The following TCN1 variants were observed in gnomAD, a reference collection of about 807,000 sequenced individuals.
The protein encoded by TCN1 is transcobalamin 1.
TCN1 carries 47 observed loss-of-function variants against 46.3 expected under a neutral mutation model. That is an observed-to-expected ratio of 1.01 (90% CI 0.80 to 1.29). The LOEUF is 1.29. Among genes scored for constraint, TCN1 ranks in the 50% most tolerant of loss-of-function variants. The probability of loss-of-function intolerance (pLI) is 0.00; values close to 1 mark genes in which losing one functional copy is unlikely to be tolerated. For synonymous variants in TCN1, 183 were observed against 192.5 expected, an observed-to-expected ratio of 0.95 and a Z score of 0.41; for missense variants, 532 against 511.0, an observed-to-expected ratio of 1.04 and a Z score of -0.40.
chr11:59,864,116 C>A, intron 1 of TCN1, 30 bp from the exon 2 acceptor site: 8 of 1,609,088 alleles, frequency 5.0e-6, no homozygotes, highest in Non-Finnish European at 6.8e-6. Flanking sequence ...AAATAAGAAA[C>A]ACATACTCAG....
At chr11:59,853,461 T>A in intron 7 of TCN1, 140 bp from the exon 8 acceptor site, 1 of 814,604 alleles carries the variant, frequency 1.2e-6, no homozygotes, top group South Asian at 1.4e-5. Context: ...TATCCATAGA[T>A]ATTTTTATTT....
In TCN1 at chr11:59,854,818, C is replaced by T. The variant is rs748680318; in HGVS notation, c.955G>A (p.Ala319Thr). Residue 319 changes from alanine (A) to threonine (T), a missense_variant, in exon 7 of 9, where the codon GCT becomes ACT. Ala to Thr is a moderately conservative substitution (Grantham distance 58). Transcript: ENST00000257264. The stretch of plus-strand genomic sequence containing the variant: ...GGTGTCACAGTTATAGGCTCATCAG[C>T]GGAGATGTTGAAGTTACCTGGCAGA... ...VSASGNFNIS[A>T]DEPITVTPPD... 59 of 1,613,682 alleles carry T rather than the reference C, an allele frequency of 3.7e-5. No homozygotes were observed. Among genetic ancestry groups the T allele is most frequent in the South Asian group, 1.8e-4 (16 of 91,082 alleles).
chr11:59,853,372 C>T, intron 7 of TCN1, 51 bp from the exon 8 acceptor site: 12 of 1,497,656 alleles, frequency 8.0e-6, no homozygotes, highest in Non-Finnish European at 1.0e-5. Context: ...TCAAAGGAAA[C>T]CAACAATAGG....
In TCN1 at chr11:59,863,896, C is replaced by T. The variant is rs1853043939; in HGVS notation, c.259+11G>A. 1.9e-6 allele frequency: 3 copies of T among 1,613,506 alleles called. No individual in the cohort carries two copies. The highest frequency in any genetic ancestry group is 2.2e-5 in the South Asian group (2 of 91,068). ...TTTTTTCTAAATCTTCCAGAATATACAGCAACTTACATCTGCTTTTCACAT... is the reference window on the plus strand; with the variant it reads ...TTTTTTCTAAATCTTCCAGAATATATAGCAACTTACATCTGCTTTTCACAT... On this transcript the variant is annotated intron_variant, in intron 2 of 8. Coordinates refer to ENST00000257264, the MANE Select transcript of TCN1 (RefSeq NM_001062.4).
intron 3 of TCN1, 82 bp downstream of exon 3, chr11:59,862,500 A>G: frequency 6.6e-7 from 1 of 1,520,692 alleles, no homozygotes. Flanking sequence ...AGAAGGAAAG[A>G]GTGGAGGGAA....
intron 2 of TCN1, 74 bp from the exon 3 acceptor site, chr11:59,862,796 T>C: frequency 6.5e-7 from 1 of 1,539,442 alleles, no homozygotes. Context: ...TCCTTGAGAC[T>C]TATATTGCCT....
At position 59,854,760 on chromosome 11, in the gene TCN1, T is replaced by A; in HGVS notation, c.1013A>T (p.Tyr338Phe). 6.2e-7 allele frequency: 1 copy of A among 1,613,956 alleles called. No individual in the cohort carries two copies. The highest frequency in any genetic ancestry group is 8.5e-7 in the Non-Finnish European group (1 of 1,179,918). ...ATATGTTTCATTGATTCTCACAGAG[T>A]AATTGACGGAGATATATGATTGTGA... is the stretch of plus-strand genomic sequence containing the variant. ...PDSQSYISVN[Y>F]SVRINETYFT... Residue 338 changes from tyrosine to phenylalanine, a missense_variant, in exon 7 of 9, where the codon TAC (tyrosine) becomes TTC (phenylalanine). Coordinates refer to ENST00000257264, the MANE Select transcript of TCN1 (RefSeq NM_001062.4).
At chr11:59,857,025 T>C (rs1225606717) in intron 5 of TCN1, among the ~76,000 whole-genome samples, 1 of 152,128 alleles carries the variant, frequency 6.6e-6, no homozygotes, top group Non-Finnish European at 1.5e-5. Context: ...TGTTTTCATC[T>C]TTTCTTGGAG....
chr11:59,864,487 A>G (rs979241055), intron 1 of TCN1, among the ~76,000 whole-genome samples: 2 of 152,148 alleles, frequency 1.3e-5, no homozygotes, highest in African/African-American at 2.4e-5. Context: ...AGGACTTTCT[A>G]CTTCCTGGAT....
intron 6 of TCN1, 68 bp from the exon 7 acceptor site, chr11:59,854,903 T>C: frequency 6.5e-7 from 1 of 1,549,818 alleles, no homozygotes; most frequent in Non-Finnish European, 8.9e-7. Context: ...TTTGCAGACC[T>C]ACTCAACCCC....
At chr11:59,865,499 A>G (rs549910016) in intron 1 of TCN1, among the ~76,000 whole-genome samples, 1 of 152,180 alleles carries the variant, frequency 6.6e-6, no homozygotes, top group Non-Finnish European at 1.5e-5. Context: ...TTTAGCCTGT[A>G]TGTATACAAG....
At chr11:59,859,311 A>C in intron 4 of TCN1, 44 bp from the exon 5 acceptor site, 3 of 1,605,256 alleles carry the variant, frequency 1.9e-6, no homozygotes, top group Non-Finnish European at 2.5e-6. Flanking sequence ...CAACCACCTC[A>C]GTTTGTCCTG....
chr11:59,856,742 G>A (rs1852947862), intron 5 of TCN1, among the ~76,000 whole-genome samples: 3 of 152,130 alleles, frequency 2.0e-5, no homozygotes, highest in Non-Finnish European at 2.9e-5. Flanking sequence ...AGGAAGTTGG[G>A]CTAGACTAGT....
chr11:59,853,589 TC>T (rs1190307026), intron 7 of TCN1, among the ~76,000 whole-genome samples: 3 of 152,114 alleles, frequency 2.0e-5, no homozygotes, highest in Non-Finnish European at 4.4e-5. Flanking sequence ...GTTTCTGCTC[TC>T]CCCACCTGCC....
intron 1 of TCN1, among the ~76,000 whole-genome samples, chr11:59,865,719 C>T (rs535695707): frequency 3.9e-5 from 6 of 152,156 alleles, no homozygotes; most frequent in Non-Finnish European, 7.4e-5. Context: ...TAAAGAAATT[C>T]AGAAATGTTG....
intron 6 of TCN1, 55 bp downstream of exon 6, chr11:59,855,814 T>G (rs1190914546): frequency 5.6e-6 from 9 of 1,597,356 alleles, no homozygotes; most frequent in African/African-American, 1.3e-5. Context: ...GAATCTCACA[T>G]GCTTTGGGTG....
intron 1 of TCN1, 111 bp from the exon 2 acceptor site, chr11:59,864,197 A>T (rs1043493504): frequency 4.9e-5 from 60 of 1,224,646 alleles, no homozygotes; most frequent in Non-Finnish European, 6.7e-5. Flanking sequence ...ACCTAGACCA[A>T]TCCAGTGGCT....
chr11:59,854,956 T>A (rs1852914953), intron 6 of TCN1, 121 bp from the exon 7 acceptor site: 2 of 1,081,194 alleles, frequency 1.8e-6, no homozygotes, highest in Non-Finnish European at 1.4e-6. Context: ...GGATTTACTA[T>A]AAGGAGCAAT....
At position 59,854,978 on chromosome 11, in the gene TCN1, A is replaced by G. The variant is rs1852915343; in HGVS notation, c.938-143T>C. On this transcript the variant is annotated intron_variant, in intron 6 of 8. Coordinates refer to ENST00000257264, the MANE Select transcript of TCN1 (RefSeq NM_001062.4). Reference sequence around the variant, plus strand: ...CTATAAGGAGCAATTATCATCACTCAAGGGGCAAATTTCTCATATAACTAA... The same window carrying G: ...CTATAAGGAGCAATTATCATCACTCGAGGGGCAAATTTCTCATATAACTAA... 5.6e-6 allele frequency: 5 copies of G among 894,152 alleles called. No homozygotes were observed. The Admixed American group carries it at 6.5e-5, about 12-fold the overall frequency. 55.4% of individuals were successfully genotyped at this position (894,152 alleles called of 1,614,324 possible).
Sources: gnomAD v4.1 joint callset for allele counts (sites outside exome capture counted in the v4.1 genomes callset) on GRCh38, gnomAD v4.1.1 for gene constraint, MANE v1.5 for transcripts, NCBI Gene and HGNC (gene_info 2026-07-23, HGNC 2026-07-21) for gene names.